ABCC8: variants seen among roughly 807,000 people sequenced by gnomAD.
ABCC8 encodes the protein ATP binding cassette subfamily C member 8.
In ABCC8, 137 loss-of-function variants were observed where a neutral mutation model predicts 188.0. That is an observed-to-expected ratio of 0.73 (90% CI 0.63 to 0.84). The LOEUF (loss-of-function observed/expected upper bound fraction) is 0.84, where lower values mean the gene tolerates loss of function less well. Ranked by LOEUF, ABCC8 falls within the 40% of genes least tolerant of loss-of-function variation. The pLI, the probability that ABCC8 is intolerant of heterozygous loss-of-function variation, is 0.00. For missense variants in ABCC8, 1,750 were observed against 2,072.7 expected (o/e 0.84, Z 3.02); for synonymous variants, 797 against 846.5 (o/e 0.94, Z 1.01).
At chr11:17,402,884 C>A in intron 28 of ABCC8, 131 bp from the exon 29 acceptor site, 1 of 1,133,760 alleles carries the variant, frequency 8.8e-7, no homozygotes, top group South Asian at 1.3e-5. Context: ...GCTTCTTACC[C>A]CGTGAAGGGG....
chr11:17,460,581 G>T lies in ABCC8; in HGVS notation c.918C>A (p.Arg306=). ...GRRLVLSSTF[R]ILADLLGFAG... ...CGAAGCCCAGCAGGTCGGCCAAGATGCGGAAAGTGCTGCTGAGGACCAGGC... is the reference window on the plus strand; with the variant it reads ...CGAAGCCCAGCAGGTCGGCCAAGATTCGGAAAGTGCTGCTGAGGACCAGGC... The change falls in exon 6 of 39, where the codon CGC becomes CGA. Residue 306 remains arginine (R), a synonymous_variant. Transcript: ENST00000389817. 6.2e-7 allele frequency: 1 copy of T among 1,613,814 alleles called. No homozygotes were observed. Among genetic ancestry groups the T allele is most frequent in the Non-Finnish European group, 8.5e-7 (1 of 1,180,048 alleles).
chr11:17,406,824 G>A, intron 25 of ABCC8, 36 bp from the exon 26 acceptor site: 1 of 1,614,200 alleles, frequency 6.2e-7, no homozygotes, highest in South Asian at 1.1e-5. Flanking sequence ...GTTCCAGGGT[G>A]CCCATGGGCT....
chr11:17,462,186 C>T (rs751778685), intron 4 of ABCC8, among the ~76,000 whole-genome samples: 3 of 152,160 alleles, frequency 2.0e-5, no homozygotes, highest in Non-Finnish European at 4.4e-5. Context: ...TCATGCAGAC[C>T]TGGTTTTGAA....
At chr11:17,413,832 T>G (rs1483456824) in intron 19 of ABCC8, among the ~76,000 whole-genome samples, 1 of 152,108 alleles carries the variant, frequency 6.6e-6, no homozygotes, top group East Asian at 1.9e-4. Flanking sequence ...TAGGCAGTAA[T>G]GATGATGGCT....
intron 10 of ABCC8, among the ~76,000 whole-genome samples, chr11:17,435,177 AC>A (rs1410270434): frequency 6.6e-6 from 1 of 150,412 alleles, no homozygotes; most frequent in African/African-American, 2.4e-5. Flanking sequence ...ATTCCCCTCC[AC>A]CCCCGCCTCT....
chr11:17,409,547 T>C (rs1182763742), intron 22 of ABCC8, among the ~76,000 whole-genome samples: 1 of 152,214 alleles, frequency 6.6e-6, no homozygotes, highest in Non-Finnish European at 1.5e-5. Context: ...GGGCCTTTTT[T>C]CTTTGGGTGA....
Position 17,406,571 on chromosome 11 carries a change from A to G in ABCC8, c.3329+51T>C, listed in dbSNP as rs1177760265. The G allele has an allele frequency of 4.5e-6, 7 of 1,552,112 alleles. 1 individual carries two copies. The Admixed American group carries it at 1.3e-4, about 28-fold the overall frequency. ...TTTATAGATGGGAAGACTAAGGCTC[A>G]GAGAACAGTGACTTGCTCACAGTCC... On this transcript the variant is annotated intron_variant, in intron 26 of 38. Transcript: ENST00000389817.
At chr11:17,441,995 A>T (rs1591830969) in intron 10 of ABCC8, among the ~76,000 whole-genome samples, 1 of 152,070 alleles carries the variant, frequency 6.6e-6, no homozygotes, top group Non-Finnish European at 1.5e-5. Context: ...CAGGAGAATC[A>T]CTTGAACCTG....
chr11:17,393,596 A>T, intron 38 of ABCC8, 101 bp downstream of exon 38: 1 of 1,557,384 alleles, frequency 6.4e-7, no homozygotes, highest in Non-Finnish European at 8.9e-7. Flanking sequence ...TTTCTTGATT[A>T]CTGGGACCAG....
In ABCC8 at chr11:17,427,068, CT is replaced by C. The variant is rs1554924035; in HGVS notation, c.2202del (p.Ala736LeufsTer12). The C allele has an allele frequency of 1.2e-6, 2 of 1,613,898 alleles. No homozygotes were observed. Among genetic ancestry groups the C allele is most frequent in the African/African-American group, 1.3e-5 (1 of 74,880 alleles). On this transcript the variant is annotated frameshift_variant, in exon 16 of 39. Coordinates refer to ENST00000389817, the MANE Select transcript of ABCC8 (RefSeq NM_000352.6). LOFTEE classifies it high-confidence loss of function. The surrounding 1 kb of genome is among the most constrained non-coding windows in gnomAD (Gnocchi z 5.0). ...LAALGEMQKV[S>X]GAVFWSSLPD... ...TATTACCTGCTCCAGAAGACAGCCC[CT>C]GAGACCTTCTGCATCTCCCCCAGTG...
chr11:17,455,881 G>T (rs1440051889), intron 6 of ABCC8, among the ~76,000 whole-genome samples: 1 of 149,784 alleles, frequency 6.7e-6, no homozygotes, highest in Non-Finnish European at 1.5e-5. Context: ...AGAGGTTGCA[G>T]TGAGCTAAGA....
intron 10 of ABCC8, among the ~76,000 whole-genome samples, chr11:17,438,189 G>A (rs1023399735): frequency 2.0e-5 from 3 of 152,206 alleles, no homozygotes; most frequent in Non-Finnish European, 4.4e-5. Context: ...TCCACTGCCT[G>A]TTCTGAGTTA....
chr11:17,414,526 G>C lies in ABCC8; in HGVS notation c.2376C>G (p.Pro792=), dbSNP rs1377727395. ...CAGGCTTTTACCGTTGTTTGTTGAA[G>C]GGACTCTCAAAGATGATGTTCTCCT... ...TVEENIIFES[P]FNKQRYKMVI... is the part of the protein sequence containing the mutation. The change falls in exon 19 of 39, where the codon CCC becomes CCG. Residue 792 remains proline (P), a synonymous_variant. Transcript: ENST00000389817. 2 of 1,614,230 alleles carry C rather than the reference G, an allele frequency of 1.2e-6. No individual in the cohort carries two copies. The highest frequency in any genetic ancestry group is 8.5e-7 in the Non-Finnish European group (1 of 1,180,042).
At chr11:17,402,481 G>A (rs1249422604) in intron 29 of ABCC8, among the ~76,000 whole-genome samples, 180 bp downstream of exon 29, 4 of 152,164 alleles carry the variant, frequency 2.6e-5, no homozygotes, top group Non-Finnish European at 5.9e-5. Flanking sequence ...ACATTCAGTG[G>A]GAGCCCACCT....
intron 7 of ABCC8, among the ~76,000 whole-genome samples, chr11:17,450,472 G>T (rs191975046): frequency 7.1e-6 from 1 of 141,142 alleles, no homozygotes; most frequent in Admixed American, 7.5e-5. Flanking sequence ...TCGGCTCACT[G>T]CAAGCTCCTC....
intron 16 of ABCC8, among the ~76,000 whole-genome samples, chr11:17,423,706 A>G (rs1955456077): frequency 6.6e-6 from 1 of 152,188 alleles, no homozygotes; most frequent in Admixed American, 6.5e-5. Flanking sequence ...GTAAGTGTTG[A>G]TAAGGACAGA....
rs142216371 is a variant in ABCC8, at chr11:17,407,760, C to T, written c.2821-307G>A. Among the ~76,000 whole-genome samples, 605 of 152,320 alleles carry T rather than the reference C, an allele frequency of 4.0e-3. 4 individuals are homozygous for T. Among genetic ancestry groups the T allele is most frequent in the Middle Eastern group, 0.017 (5 of 294 alleles). ...ACAGGCCAATCCTCACATTCCACAC[C>T]GCTGGCCACAGTGATTTGTTCAGGG... is the stretch of plus-strand genomic sequence containing the variant. On this transcript the variant is annotated intron_variant, in intron 23 of 38. Coordinates refer to ENST00000389817, the MANE Select transcript of ABCC8 (RefSeq NM_000352.6).
chr11:17,470,272 A>G (rs770414801), intron 2 of ABCC8, 50 bp from the exon 3 acceptor site: 97 of 1,612,336 alleles, frequency 6.0e-5, no homozygotes, highest in Non-Finnish European at 8.1e-5. Flanking sequence ...TAAGTACTGC[A>G]ATAGAGCAGC....
chr11:17,427,338 T>C lies in ABCC8; in HGVS notation c.2117-184A>G. 2 of 770,328 alleles carry C rather than the reference T, an allele frequency of 2.6e-6. No individual in the cohort carries two copies. The highest frequency in any genetic ancestry group is 3.2e-6 in the Non-Finnish European group (2 of 633,792). 47.7% of individuals were successfully genotyped at this position (770,328 alleles called of 1,614,324 possible). A position where few individuals can be genotyped will look rare whatever the true frequency, so the allele number is the denominator to read the frequency against. ...CCTTCTGGAAATCAACATCCTCCTC[T>C]GGCTCCCCAGGTCCTTCCCCCTCTC... On this transcript the variant is annotated intron_variant, in intron 15 of 38. Coordinates refer to ENST00000389817, the MANE Select transcript of ABCC8 (RefSeq NM_000352.6). This position sits in a 1 kb window ranked among gnomAD's most constrained non-coding sequence, Gnocchi z 5.0.
Sources: gnomAD v4.1 joint callset for allele counts (sites outside exome capture counted in the v4.1 genomes callset) on GRCh38, gnomAD v4.1.1 for gene constraint, Gnocchi (gnomAD v3.1) non-coding constraint, MANE v1.5 for transcripts, NCBI Gene and HGNC (gene_info 2026-07-23, HGNC 2026-07-21) for gene names.